Variants in NHSL1 observed in about 807,000 individuals in gnomAD.
The protein encoded by NHSL1 is NHS-like protein 1.
Under a neutral mutation model 95.0 loss-of-function variants are expected in NHSL1, and 48 were observed. That is an observed-to-expected ratio of 0.51 (90% CI 0.40 to 0.64). The LOEUF (loss-of-function observed/expected upper bound fraction) is 0.64, where lower values mean the gene tolerates loss of function less well. Ranked by LOEUF, NHSL1 falls within the 30% of genes least tolerant of loss-of-function variation. The pLI is 0.00. For missense variants in NHSL1, 1,971 were observed against 2,077.7 expected (o/e 0.95, Z 1.00); for synonymous variants, 783 against 833.9 (o/e 0.94, Z 1.05).
At chr6:138,496,783 T>G (rs1780380680) in intron 1 of NHSL1, among the ~76,000 whole-genome samples, 1 of 152,250 alleles carries the variant, frequency 6.6e-6, no homozygotes, top group South Asian at 2.1e-4. Flanking sequence ...TAGACTGTCC[T>G]GATAGAAATG....
At chr6:138,669,568 G>A (rs950894169) in intron 1 of NHSL1, among the ~76,000 whole-genome samples, 8 of 152,272 alleles carry the variant, frequency 5.3e-5, no homozygotes, top group Middle Eastern at 3.4e-3. Context: ...TCCTAGCCAC[G>A]AGTGGCCACC....
chr6:138,509,307 A>G (rs1781109999), intron 1 of NHSL1, among the ~76,000 whole-genome samples: 1 of 152,254 alleles, frequency 6.6e-6, no homozygotes, highest in Non-Finnish European at 1.5e-5. Context: ...TCATTGTGGA[A>G]TGAAAAGTCA....
chr6:138,442,011 T>A lies in NHSL1; in HGVS notation c.636A>T (p.Gly212=). The A allele has an allele frequency of 6.4e-7, 1 of 1,551,274 alleles. No homozygotes were observed. Among genetic ancestry groups the A allele is most frequent in the South Asian group, 1.2e-5 (1 of 83,954 alleles). The change falls in exon 5 of 8, where the codon GGA becomes GGT. Residue 212 remains glycine (G), a synonymous_variant. Transcript: ENST00000343505. ...GCTCCTTCTGTATGTTGTCAGGGAC[T>A]CCTGTAATAGTCTTTCTCCTTTTGA... ...KKVKRRKTIT[G]VPDNIQKELA...
At chr6:138,516,429 A>G (rs553164712) in intron 1 of NHSL1, among the ~76,000 whole-genome samples, 6 of 152,262 alleles carry the variant, frequency 3.9e-5, no homozygotes, top group African/African-American at 9.6e-5. Context: ...GTTGTCTGCA[A>G]CTGAACGTGC....
rs200064134 is a variant in NHSL1, at chr6:138,439,556, T to C, written c.664+2427A>G. On this transcript the variant is annotated intron_variant, in intron 5 of 7. Transcript: ENST00000343505. ...AACAAATAAATATGTAATCCAATAT[T>C]TTTGCTAAATAAAACTGTATACAAA... Among the ~76,000 whole-genome samples, 27 of 152,326 alleles carry C rather than the reference T, an allele frequency of 1.8e-4. 1 individual carries two copies. The East Asian group carries it at 5.2e-3, about 29-fold the overall frequency.
chr6:138,429,567 A>C, intron 7 of NHSL1, 144 bp downstream of exon 7: 1 of 714,020 alleles, frequency 1.4e-6, no homozygotes, highest in Non-Finnish European at 2.2e-6. Context: ...AAACTGTAGA[A>C]ACCCACTAAA....
At chr6:138,640,844 A>G (rs1404064040) in intron 1 of NHSL1, among the ~76,000 whole-genome samples, 3 of 152,228 alleles carry the variant, frequency 2.0e-5, no homozygotes, top group African/African-American at 4.8e-5. Context: ...GCCACCTTCA[A>G]TCTTGAATCC....
intron 5 of NHSL1, among the ~76,000 whole-genome samples, chr6:138,437,437 CACACACACAAAAAAAAAAAA>C (rs1269773037): frequency 1.9e-4 from 7 of 37,354 alleles, no homozygotes; most frequent in African/African-American, 6.7e-4. Flanking sequence ...CACACACACA[CACACACACAAAAAAAAAAAA>C]AAAAAATACA....
intron 1 of NHSL1, among the ~76,000 whole-genome samples, chr6:138,642,894 G>A (rs537292732): frequency 1.2e-4 from 18 of 152,210 alleles, no homozygotes; most frequent in African/African-American, 4.1e-4. Flanking sequence ...CATAATTAAA[G>A]GGTAACCATT....
intron 1 of NHSL1, among the ~76,000 whole-genome samples, chr6:138,641,382 T>C (rs1310997138): frequency 6.6e-6 from 1 of 152,072 alleles, no homozygotes; most frequent in Non-Finnish European, 1.5e-5. Flanking sequence ...TGAAGAACCA[T>C]GTAAGAGGAA....
intron 1 of NHSL1, among the ~76,000 whole-genome samples, chr6:138,600,128 A>G (rs1473819418): frequency 6.6e-6 from 1 of 152,100 alleles, no homozygotes; most frequent in African/African-American, 2.4e-5. Flanking sequence ...TGGGCAACAG[A>G]GCAAGACTCC....
At chr6:138,647,602 C>CTTA (rs1554258264) in intron 1 of NHSL1, among the ~76,000 whole-genome samples, 1 of 136,230 alleles carries the variant, frequency 7.3e-6, no homozygotes, top group Admixed American at 7.4e-5. Context: ...ATATTTCTCA[C>CTTA]TTTTTTTTTT....
intron 1 of NHSL1, among the ~76,000 whole-genome samples, chr6:138,568,908 T>C (rs897100036): frequency 2.0e-5 from 3 of 152,210 alleles, no homozygotes; most frequent in Admixed American, 2.0e-4. Context: ...ACTTAAAAAC[T>C]TTATTTTGAT....
intron 1 of NHSL1, among the ~76,000 whole-genome samples, chr6:138,670,223 A>G (rs1785346459): frequency 6.6e-6 from 1 of 152,030 alleles, no homozygotes; most frequent in African/African-American, 2.4e-5. Flanking sequence ...CCCTTCAAAC[A>G]CTCAGACCTT....
intron 1 of NHSL1, among the ~76,000 whole-genome samples, chr6:138,556,811 C>G (rs571387698): frequency 6.6e-6 from 1 of 151,928 alleles, no homozygotes. Flanking sequence ...AATTGAAATA[C>G]GTCTTACCTT....
intron 1 of NHSL1, among the ~76,000 whole-genome samples, chr6:138,534,246 A>G (rs1218106196): frequency 6.6e-6 from 1 of 152,164 alleles, no homozygotes; most frequent in Admixed American, 6.5e-5. Flanking sequence ...CATTCCTTTA[A>G]TCAGCAATTA....
chr6:138,650,024 A>G (rs1269253627), intron 1 of NHSL1, among the ~76,000 whole-genome samples: 1 of 152,138 alleles, frequency 6.6e-6, no homozygotes, highest in Admixed American at 6.5e-5. Context: ...CAGGTGACCC[A>G]ATCCACTGGG....
chr6:138,534,631 T>G (rs1782264912), intron 1 of NHSL1, among the ~76,000 whole-genome samples: 1 of 152,170 alleles, frequency 6.6e-6, no homozygotes, highest in African/African-American at 2.4e-5. Flanking sequence ...TCTAACTTAA[T>G]CCCTATCAAT....
intron 3 of NHSL1, among the ~76,000 whole-genome samples, chr6:138,467,495 A>T (rs904073564): frequency 9.2e-5 from 14 of 152,216 alleles, no homozygotes; most frequent in African/African-American, 3.1e-4. Context: ...TTATGAAAAA[A>T]ACTTAACTGT....
Sources: allele counts gnomAD v4.1 joint callset (sites outside exome capture counted in the v4.1 genomes callset), GRCh38; gene constraint gnomAD v4.1.1; transcripts MANE v1.5; gene names NCBI Gene and HGNC (gene_info 2026-07-23, HGNC 2026-07-21).